RAMP3: variants seen among roughly 807,000 people sequenced by gnomAD.
RAMP3 encodes the protein receptor activity-modifying protein 3.
Under a neutral mutation model 13.5 loss-of-function variants are expected in RAMP3, and 14 were observed. The ratio of observed to expected loss-of-function variants is 1.04; its 90% CI spans 0.69 to 1.63. The LOEUF (loss-of-function observed/expected upper bound fraction) is 1.63. RAMP3 is among the 40% of genes most tolerant of loss of function. The pLI, the probability that RAMP3 is intolerant of heterozygous loss-of-function variation, is 0.00. For missense variants in RAMP3, 200 were observed against 204.8 expected (o/e 0.98, Z 0.14); for synonymous variants, 106 against 88.3 (o/e 1.20, Z -1.12).
chr7:45,183,578 C>A lies in RAMP3; in HGVS notation c.*166C>A. 1 of 976,238 alleles carries A rather than the reference C, an allele frequency of 1.0e-6. No homozygotes were observed. Among genetic ancestry groups the A allele is most frequent in the Non-Finnish European group, 1.5e-6 (1 of 664,138 alleles). The allele number at this position is 976,238 out of a possible 1,614,324, so 60.5% of individuals were successfully genotyped here. On this transcript the variant is annotated 3_prime_UTR_variant, in exon 3 of 3. Transcript: ENST00000242249. Reference sequence around the variant, plus strand: ...GGCTGACCTGCTCCCTCGAGGCCAGCCTGCTCCCTGGCTGAGGCTCAGGCT... The same window carrying A: ...GGCTGACCTGCTCCCTCGAGGCCAGACTGCTCCCTGGCTGAGGCTCAGGCT...
At chr7:45,165,868 CT>C (rs1351509459) in intron 1 of RAMP3, among the ~76,000 whole-genome samples, 1 of 152,162 alleles carries the variant, frequency 6.6e-6, no homozygotes, top group African/African-American at 2.4e-5. Context: ...TGTTTTAGCA[CT>C]TCACTCTTTT....
In RAMP3 at chr7:45,183,466, T is replaced by C. The variant is rs897172432; in HGVS notation, c.*54T>C. 13 of 1,594,950 alleles carry C rather than the reference T, an allele frequency of 8.2e-6. No homozygotes were observed. The East Asian group carries it at 2.7e-4, about 33-fold the overall frequency. On this transcript the variant is annotated 3_prime_UTR_variant, in exon 3 of 3. Coordinates refer to ENST00000242249, the MANE Select transcript of RAMP3 (RefSeq NM_005856.3). ...CCTGGCAAGCTGGAAGAAAGTTCCC[T>C]GGGGATGGGAGAGCGGGTGGGTGCT...
At chr7:45,165,610 A>G in intron 1 of RAMP3, among the ~76,000 whole-genome samples, 1 of 152,236 alleles carries the variant, frequency 6.6e-6, no homozygotes, top group Non-Finnish European at 1.5e-5. Flanking sequence ...CATTCCTAGA[A>G]TTTTGCAACC....
chr7:45,175,201 G>A (rs947241469), intron 1 of RAMP3, among the ~76,000 whole-genome samples: 1 of 152,192 alleles, frequency 6.6e-6, no homozygotes, highest in African/African-American at 2.4e-5. Context: ...CCAGGTGCTG[G>A]AAACCATGCA....
At chr7:45,170,923 C>T (rs1786068519) in intron 1 of RAMP3, among the ~76,000 whole-genome samples, 1 of 151,556 alleles carries the variant, frequency 6.6e-6, no homozygotes, top group Non-Finnish European at 1.5e-5. Context: ...GTCACCATGT[C>T]CAGCCTTTTT....
chr7:45,183,037 T>C (rs1369646165), intron 2 of RAMP3, 120 bp from the exon 3 acceptor site: 6 of 1,389,072 alleles, frequency 4.3e-6, no homozygotes, highest in African/African-American at 1.4e-5. Context: ...GGCTGGGCTG[T>C]GAATAGGTGG....
chr7:45,181,658 G>A (rs1369449581), intron 2 of RAMP3, among the ~76,000 whole-genome samples: 1 of 152,212 alleles, frequency 6.6e-6, no homozygotes, highest in Non-Finnish European at 1.5e-5. Context: ...CAGCTGGCGG[G>A]GGGTTGGGGT....
At chr7:45,178,809 G>A (rs547200777) in intron 2 of RAMP3, among the ~76,000 whole-genome samples, 12 of 152,352 alleles carry the variant, frequency 7.9e-5, no homozygotes, top group East Asian at 7.7e-4. Context: ...ATGTCCAGCC[G>A]TGGATTGGGA....
In RAMP3 at chr7:45,157,854, CG is replaced by C; in HGVS notation, c.27del (p.Gln10AsnfsTer38). ...ATGGAGACTGGAGCGCTGCGGCGCC[CG>C]CAACTTCTCCCGTTGCTGCTGCTGC... METGALRRPQLLPLLLLLC... is the reference protein window; with the variant it reads METGALRRXQLLPLLLLLC... On this transcript the variant is annotated frameshift_variant, in exon 1 of 3. Transcript: ENST00000242249. LOFTEE classifies it high-confidence loss of function. 7.0e-7 allele frequency: 1 copy of C among 1,420,636 alleles called. No individual in the cohort carries two copies. The highest frequency in any genetic ancestry group is 9.1e-7 in the Non-Finnish European group (1 of 1,095,836). The allele number at this position is 1,420,636 out of a possible 1,614,324, so 88.0% of individuals were successfully genotyped here. A position where few individuals can be genotyped will look rare whatever the true frequency, so the allele number is the denominator to read the frequency against.
intron 1 of RAMP3, among the ~76,000 whole-genome samples, chr7:45,175,884 G>C (rs1274578990): frequency 1.3e-5 from 2 of 152,194 alleles, no homozygotes; most frequent in Non-Finnish European, 2.9e-5. Flanking sequence ...GGAGTGTCTG[G>C]GGCGCTGTGT....
intron 1 of RAMP3, among the ~76,000 whole-genome samples, chr7:45,174,161 G>T (rs1208471443): frequency 6.6e-6 from 1 of 152,122 alleles, no homozygotes; most frequent in Non-Finnish European, 1.5e-5. Context: ...CAGCAGGCCC[G>T]GCATGCACAG....
intron 1 of RAMP3, among the ~76,000 whole-genome samples, chr7:45,169,432 G>T (rs987774801): frequency 6.6e-6 from 1 of 152,214 alleles, no homozygotes; most frequent in African/African-American, 2.4e-5. Flanking sequence ...TTAAAATTAA[G>T]AATTCAGTCT....
intron 2 of RAMP3, among the ~76,000 whole-genome samples, chr7:45,181,741 C>G (rs539004163): frequency 6.6e-6 from 1 of 152,242 alleles, no homozygotes; most frequent in African/African-American, 2.4e-5. Context: ...GTCCATGGAC[C>G]TAGCTGTTGA....
chr7:45,170,995 C>T (rs1487513041), intron 1 of RAMP3, among the ~76,000 whole-genome samples: 1 of 151,902 alleles, frequency 6.6e-6, no homozygotes, highest in Non-Finnish European at 1.5e-5. Flanking sequence ...AGCTGCATCT[C>T]TCTAAGTTTT....
intron 1 of RAMP3, among the ~76,000 whole-genome samples, chr7:45,175,024 G>A (rs1056880242): frequency 6.6e-6 from 1 of 152,212 alleles, no homozygotes; most frequent in Non-Finnish European, 1.5e-5. Flanking sequence ...GCTACATGCA[G>A]GGATGGGACA....
At chr7:45,168,003 G>A (rs1727707126) in intron 1 of RAMP3, among the ~76,000 whole-genome samples, 1 of 152,220 alleles carries the variant, frequency 6.6e-6, no homozygotes, top group African/African-American at 2.4e-5. Flanking sequence ...GATAGGGATT[G>A]CATTGAGTTT....
At chr7:45,174,768 C>G (rs563117296) in intron 1 of RAMP3, among the ~76,000 whole-genome samples, 2 of 152,264 alleles carry the variant, frequency 1.3e-5, no homozygotes, top group East Asian at 3.9e-4. Flanking sequence ...TTCAGTCACT[C>G]CCCTAGTTGG....
At position 45,183,384 on chromosome 7, in the gene RAMP3, G is replaced by C; in HGVS notation, c.419G>C (p.Arg140Pro). The C allele has an allele frequency of 1.2e-6, 2 of 1,612,996 alleles. No homozygotes were observed. Among genetic ancestry groups the C allele is most frequent in the Non-Finnish European group, 1.7e-6 (2 of 1,180,028 alleles). Residue 140 changes from arginine (R) to proline (P), a missense_variant, in exon 3 of 3, where the codon CGC becomes CCC. Transcript: ENST00000242249. ...GCCATGGCTGGCCTGGTGGTGTGGC[G>C]CAGCAAACGCACCGACACGCTGCTG... ...TVAMAGLVVW[R>P]SKRTDTLL is the part of the protein sequence containing the mutation.
chr7:45,183,205 G>A lies in RAMP3; in HGVS notation c.240G>A (p.Val80=), dbSNP rs939032982. ...TNCTEMEANV[V]GCYWPNPLAQ... Reference sequence around the variant, plus strand: ...GCACCGAGATGGAGGCCAATGTCGTGGGCTGCTACTGGCCCAACCCCCTGG... The same window carrying A: ...GCACCGAGATGGAGGCCAATGTCGTAGGCTGCTACTGGCCCAACCCCCTGG... The change falls in exon 3 of 3, where the codon GTG becomes GTA. Residue 80 remains valine (V), a synonymous_variant. Transcript: ENST00000242249. The A allele has an allele frequency of 5.0e-6, 8 of 1,613,464 alleles. No homozygotes were observed. Among genetic ancestry groups the A allele is most frequent in the Non-Finnish European group, 5.9e-6 (7 of 1,180,006 alleles).
Sources: gnomAD v4.1 joint callset for allele counts (sites outside exome capture counted in the v4.1 genomes callset) on GRCh38, gnomAD v4.1.1 for gene constraint, MANE v1.5 for transcripts, NCBI Gene and HGNC (gene_info 2026-07-23, HGNC 2026-07-21) for gene names.